Variants in GNAQ observed in about 807,000 individuals in gnomAD.
The protein encoded by GNAQ is guanine nucleotide-binding protein G(q) subunit alpha.
Under a neutral mutation model 43.9 loss-of-function variants are expected in GNAQ, and 8 were observed. That is an observed-to-expected ratio of 0.18 (90% CI 0.11 to 0.33). GNAQ has a LOEUF of 0.33. Among genes scored for constraint, GNAQ ranks in the 10% least tolerant of loss-of-function variants. The pLI, the probability that GNAQ is intolerant of heterozygous loss-of-function variation, is 1.00. For missense variants in GNAQ, 158 were observed against 450.8 expected (o/e 0.35, Z 5.88); for synonymous variants, 155 against 170.7 (o/e 0.91, Z 0.71).
intron 1 of GNAQ, among the ~76,000 whole-genome samples, chr9:77,975,536 C>CTTTTTTTTTTTTGTTTTTTTTTTTTT (rs1823287671): frequency 8.7e-6 from 1 of 115,276 alleles, no homozygotes; most frequent in African/African-American, 3.7e-5. Flanking sequence ...TCAGCCCCCC[C>CTTTTTTTTTTTTGTTTTTTTTTTTTT]TTTTTTTTTT....
chr9:77,745,120 G>A (rs1056365442), intron 5 of GNAQ, among the ~76,000 whole-genome samples: 1 of 152,170 alleles, frequency 6.6e-6, no homozygotes, highest in Non-Finnish European at 1.5e-5. Context: ...GTGGAGGACT[G>A]AACTGGTTCA....
intron 2 of GNAQ, among the ~76,000 whole-genome samples, chr9:77,842,129 C>T (rs980850876): frequency 1.3e-5 from 2 of 152,188 alleles, no homozygotes; most frequent in South Asian, 2.1e-4. Context: ...AGGTGAACTC[C>T]TTGACTGTCT....
At chr9:77,798,697 G>A (rs546773368) in intron 3 of GNAQ, among the ~76,000 whole-genome samples, 1 of 152,164 alleles carries the variant, frequency 6.6e-6, no homozygotes, top group South Asian at 2.1e-4. Context: ...ATCAACCCTA[G>A]GTTACTTAAC....
chr9:77,896,612 C>T (rs780587591), intron 2 of GNAQ, among the ~76,000 whole-genome samples: 1 of 152,212 alleles, frequency 6.6e-6, no homozygotes, highest in Non-Finnish European at 1.5e-5. Flanking sequence ...CACCAGTTAC[C>T]TAAAAATTAT....
chr9:77,850,467 T>C (rs1376686393), intron 2 of GNAQ, among the ~76,000 whole-genome samples: 1 of 152,186 alleles, frequency 6.6e-6, no homozygotes, highest in Non-Finnish European at 1.5e-5. Flanking sequence ...GCTCATCTTC[T>C]GCATCCACGA....
intron 2 of GNAQ, among the ~76,000 whole-genome samples, chr9:77,851,019 A>C (rs1458363839): frequency 6.6e-6 from 1 of 152,090 alleles, no homozygotes; most frequent in African/African-American, 2.4e-5. Flanking sequence ...AGGATCAATA[A>C]ATGTTTACTG....
chr9:77,743,990 C>T (rs1825693748), intron 5 of GNAQ, among the ~76,000 whole-genome samples: 1 of 152,146 alleles, frequency 6.6e-6, no homozygotes, highest in Non-Finnish European at 1.5e-5. Context: ...AATAGCAATT[C>T]GGATCAGAGT....
intron 2 of GNAQ, among the ~76,000 whole-genome samples, chr9:77,821,471 T>C (rs12005259): frequency 0.013 from 1,944 of 152,286 alleles, 38 homozygotes; most frequent in African/African-American, 0.043. Flanking sequence ...TTGCTTAACA[T>C]TTTCCTTTTT....
chr9:78,002,820 T>C (rs1823659973), intron 1 of GNAQ, among the ~76,000 whole-genome samples: 1 of 152,144 alleles, frequency 6.6e-6, no homozygotes, highest in Non-Finnish European at 1.5e-5. Flanking sequence ...TGGTTTTCTA[T>C]CATCATATCA....
intron 3 of GNAQ, among the ~76,000 whole-genome samples, chr9:77,804,395 C>T (rs185112201): frequency 9.3e-4 from 142 of 152,208 alleles, no homozygotes; most frequent in Non-Finnish European, 1.8e-3. Context: ...CCAGGTGTGG[C>T]GGCATGTGCC....
chr9:77,890,433 G>A (rs11145607), intron 2 of GNAQ, among the ~76,000 whole-genome samples: 19,859 of 152,154 alleles, frequency 0.13, 1,534 homozygotes, highest in East Asian at 0.32. Context: ...TCATAAAACT[G>A]CATTGCAAGG....
intron 1 of GNAQ, among the ~76,000 whole-genome samples, chr9:77,975,776 TCCA>T (rs1823294006): frequency 6.6e-6 from 1 of 152,106 alleles, no homozygotes; most frequent in South Asian, 2.1e-4. Context: ...GACCTCATGA[TCCA>T]CCCGCCTCAG....
chr9:77,834,099 G>C (rs997602864), intron 2 of GNAQ, among the ~76,000 whole-genome samples: 4 of 152,090 alleles, frequency 2.6e-5, no homozygotes, highest in African/African-American at 9.7e-5. Context: ...ATTAAAATAG[G>C]AAATAAGTAA....
At chr9:77,934,573 G>A (rs370716488) in intron 1 of GNAQ, among the ~76,000 whole-genome samples, 6 of 152,056 alleles carry the variant, frequency 3.9e-5, no homozygotes, top group East Asian at 3.9e-4. Flanking sequence ...CAAAAAATAC[G>A]CAGATTTTCA....
chr9:77,958,445 A>C (rs561673869), intron 1 of GNAQ, among the ~76,000 whole-genome samples: 45 of 152,230 alleles, frequency 3.0e-4, no homozygotes, highest in South Asian at 6.2e-4. Context: ...ACAATAAATG[A>C]CTTTCATATT....
chr9:78,012,237 T>TG (rs1823781693), intron 1 of GNAQ, among the ~76,000 whole-genome samples: 1 of 138,996 alleles, frequency 7.2e-6, no homozygotes, highest in Non-Finnish European at 1.6e-5. Context: ...AAAGGCATTT[T>TG]CTTTTTTTTT....
intron 2 of GNAQ, among the ~76,000 whole-genome samples, chr9:77,861,730 T>C (rs1827855264): frequency 6.6e-6 from 1 of 152,152 alleles, no homozygotes; most frequent in Admixed American, 6.5e-5. Flanking sequence ...AGGTCAGGCA[T>C]GGTGGCTCAC....
chr9:77,736,286 A>G (rs1825575743), intron 5 of GNAQ, among the ~76,000 whole-genome samples: 1 of 152,228 alleles, frequency 6.6e-6, no homozygotes, highest in Admixed American at 6.5e-5. Flanking sequence ...GAGCAAACCA[A>G]GAAAACAACA....
intron 1 of GNAQ, among the ~76,000 whole-genome samples, chr9:78,011,290 G>A (rs1292964335): frequency 1.3e-5 from 2 of 152,182 alleles, no homozygotes; most frequent in Non-Finnish European, 2.9e-5. Flanking sequence ...CAAGTGCTAA[G>A]GGAAAGATAC....
Sources: allele counts gnomAD v4.1 joint callset (sites outside exome capture counted in the v4.1 genomes callset), GRCh38; gene constraint gnomAD v4.1.1; transcripts MANE v1.5; gene names NCBI Gene and HGNC (gene_info 2026-07-23, HGNC 2026-07-21).